The following OR52E5 variants were observed in gnomAD, a reference collection of about 807,000 sequenced individuals.
OR52E5 encodes olfactory receptor family 52 subfamily E member 5.
intron 1 of OR52E5, among the ~76,000 whole-genome samples, chr11:5,894,707 T>C (rs1167705003): frequency 6.6e-6 from 1 of 152,198 alleles, no homozygotes; most frequent in Non-Finnish European, 1.5e-5. Flanking sequence ...TAAAGACTTT[T>C]TTCATAAGGA....
intron 1 of OR52E5, among the ~76,000 whole-genome samples, chr11:5,895,019 G>A (rs1052038205): frequency 1.4e-4 from 22 of 152,016 alleles, no homozygotes; most frequent in Non-Finnish European, 2.6e-4. Flanking sequence ...TTTTAATTGC[G>A]GACTCAATGT....
At chr11:5,898,125 C>T (rs1847200827) in intron 2 of OR52E5, among the ~76,000 whole-genome samples, 1 of 152,152 alleles carries the variant, frequency 6.6e-6, no homozygotes, top group South Asian at 2.1e-4. Context: ...TCCCAAAATG[C>T]TAGGATTACA....
chr11:5,896,827 T>A (rs892456079), intron 2 of OR52E5, among the ~76,000 whole-genome samples: 1 of 152,210 alleles, frequency 6.6e-6, no homozygotes, highest in South Asian at 2.1e-4. Context: ...TTCCCTGGCC[T>A]GAATCTCATT....
intron 2 of OR52E5, 97 bp from the exon 3 acceptor site, chr11:5,900,535 A>G (rs1230297235): frequency 2.9e-6 from 1 of 343,046 alleles, no homozygotes; most frequent in East Asian, 4.3e-5. Context: ...CAGGATTGCT[A>G]TATTTTGGAA....
At position 5,902,616 on chromosome 11, in the gene OR52E5, C is replaced by G. The variant is rs979702319; in HGVS notation, c.*856C>G. 1 of 152,142 alleles carries G rather than the reference C, an allele frequency of 6.6e-6. No homozygotes were observed. The highest frequency in any genetic ancestry group is 6.6e-5 in the Admixed American group (1 of 15,262). 9.4% of individuals were successfully genotyped at this position (152,142 alleles called of 1,614,324 possible). A position where few individuals can be genotyped will look rare whatever the true frequency, so the allele number is the denominator to read the frequency against. On this transcript the variant is annotated 3_prime_UTR_variant, in exon 3 of 3. Coordinates refer to ENST00000610445, the MANE Select transcript of OR52E5 (RefSeq NM_001005166.5). ...GAAATCCCATCCTCCACAGTCTTTG[C>G]TAGAGTGGGTTTTAGGGCAGACTGT...
rs148673995 is a variant in OR52E5, at chr11:5,893,834, T to G, written c.-228+564T>G. Among the ~76,000 whole-genome samples the G allele has an allele frequency of 1.6e-3, 250 of 152,224 alleles. 2 individuals are homozygous for G. Among genetic ancestry groups the G allele is most frequent in the African/African-American group, 5.4e-3 (224 of 41,538 alleles). On this transcript the variant is annotated intron_variant, in intron 1 of 2. Transcript: ENST00000610445. ...AAAAAATAAAAAAGGCTTACTTTTT[T>G]TGTGTGTGTGGGACAACTTAGAGAG...
chr11:5,894,302 CTTAG>C (rs1847143939), intron 1 of OR52E5, among the ~76,000 whole-genome samples: 1 of 152,166 alleles, frequency 6.6e-6, no homozygotes, highest in East Asian at 1.9e-4. Flanking sequence ...TTAAGGTGGT[CTTAG>C]TTAGTGTCCA....
rs146541044 is a variant in OR52E5 at position 5,902,343 on chromosome 11, A to G, written c.*583A>G. On this transcript the variant is annotated 3_prime_UTR_variant, in exon 3 of 3. Coordinates refer to ENST00000610445, the MANE Select transcript of OR52E5 (RefSeq NM_001005166.5). ...TTGTAAAACATTAAAAGATTTGGAA[A>G]CAAAATGAGTGCTTACTAAACATAA... 1 of 152,574 alleles carries G rather than the reference A, an allele frequency of 6.6e-6. No homozygotes were observed. The highest frequency in any genetic ancestry group is 1.5e-5 in the Non-Finnish European group (1 of 68,210). 9.5% of individuals were successfully genotyped at this position (152,574 alleles called of 1,614,324 possible).
intron 1 of OR52E5, among the ~76,000 whole-genome samples, chr11:5,895,350 A>G (rs890044032): frequency 6.6e-6 from 1 of 152,240 alleles, no homozygotes; most frequent in Non-Finnish European, 1.5e-5. Context: ...CACAGGAAAC[A>G]GTGAAAATAT....
Position 5,895,625 on chromosome 11 carries a change from C to T in OR52E5, c.-227-7C>T, listed in dbSNP as rs1435901401. ...GTTTTAAGCTAATCATTGTATTCCA[C>T]CATTAGCAGGATGATCATCTTATTG... On this transcript the variant is annotated splice_region_variant and splice_polypyrimidine_tract_variant and intron_variant, in intron 1 of 2. Transcript: ENST00000610445. The T allele has an allele frequency of 6.6e-6, 1 of 152,174 alleles. No individual in the cohort carries two copies. Among genetic ancestry groups the T allele is most frequent in the African/African-American group, 2.4e-5 (1 of 41,420 alleles). The allele number at this position is 152,174 out of a possible 1,614,324, so 9.4% of individuals were successfully genotyped here.
At chr11:5,895,854 T>C (rs1328330386) in intron 2 of OR52E5, 141 bp downstream of exon 2, 4 of 152,254 alleles carry the variant, frequency 2.6e-5, no homozygotes, top group East Asian at 1.9e-4. Flanking sequence ...GCTGAGGTCA[T>C]GAGTTCAAGG....
At chr11:5,894,545 A>G (rs1847147594) in intron 1 of OR52E5, among the ~76,000 whole-genome samples, 1 of 152,198 alleles carries the variant, frequency 6.6e-6, no homozygotes, top group South Asian at 2.1e-4. Flanking sequence ...GCTAGACAGG[A>G]AAGTCTCCTC....
chr11:5,898,841 G>A (rs1325814068), intron 2 of OR52E5, among the ~76,000 whole-genome samples: 1 of 152,150 alleles, frequency 6.6e-6, no homozygotes, highest in Non-Finnish European at 1.5e-5. Context: ...GGCTACTGCA[G>A]CCTTGGAGTA....
intron 2 of OR52E5, among the ~76,000 whole-genome samples, chr11:5,897,952 T>C (rs1327479278): frequency 6.6e-6 from 1 of 152,072 alleles, no homozygotes; most frequent in East Asian, 1.9e-4. Context: ...AGTCTTGACC[T>C]CCCAGGTTCC....
At chr11:5,898,404 A>G (rs891539606) in intron 2 of OR52E5, among the ~76,000 whole-genome samples, 1 of 152,084 alleles carries the variant, frequency 6.6e-6, no homozygotes, top group Non-Finnish European at 1.5e-5. Flanking sequence ...TACTCTGTGA[A>G]TTGTTTATTT....
At chr11:5,900,000 G>T (rs1054571304) in intron 2 of OR52E5, among the ~76,000 whole-genome samples, 1 of 152,038 alleles carries the variant, frequency 6.6e-6, no homozygotes, top group Non-Finnish European at 1.5e-5. Context: ...CACTATCTAG[G>T]TGGCATTATG....
In OR52E5 at chr11:5,900,822, G is replaced by A. The variant is rs572270761; in HGVS notation, c.46G>A (p.Val16Ile). ...ACAGTTTCACCCTTCCACCTTCCTCGTAGTGGGGGTCCCAGGGCTGGAAGA... is the reference window on the plus strand; with the variant it reads ...ACAGTTTCACCCTTCCACCTTCCTCATAGTGGGGGTCCCAGGGCTGGAAGA... ...NTQFHPSTFL[V>I]VGVPGLEDVH... Residue 16 changes from valine (V) to isoleucine (I), a missense_variant, in exon 3 of 3, where the codon GTA (valine) becomes ATA (isoleucine). Val to Ile is a conservative substitution (Grantham distance 29, BLOSUM62 3). Transcript: ENST00000610445. 85 of 401,346 alleles carry A rather than the reference G, an allele frequency of 2.1e-4. No homozygotes were observed. Among genetic ancestry groups the A allele is most frequent in the Admixed American group, 7.5e-4 (17 of 22,722 alleles). The allele number at this position is 401,346 out of a possible 1,614,324, so 24.9% of individuals were successfully genotyped here.
At chr11:5,900,001 T>C (rs549385171) in intron 2 of OR52E5, among the ~76,000 whole-genome samples, 6 of 152,276 alleles carry the variant, frequency 3.9e-5, no homozygotes, top group African/African-American at 1.4e-4. Flanking sequence ...ACTATCTAGG[T>C]GGCATTATGA....
chr11:5,895,309 C>T (rs1847158831), intron 1 of OR52E5, among the ~76,000 whole-genome samples: 1 of 152,146 alleles, frequency 6.6e-6, no homozygotes, highest in Non-Finnish European at 1.5e-5. Flanking sequence ...TTTGAAATTG[C>T]ATATCACAAA....
Sources: gnomAD v4.1 joint callset for allele counts (sites outside exome capture counted in the v4.1 genomes callset) on GRCh38, gnomAD v4.1.1 for gene constraint, MANE v1.5 for transcripts, NCBI Gene and HGNC (gene_info 2026-07-23, HGNC 2026-07-21) for gene names.